Variants in WDPCP observed in about 807,000 individuals in gnomAD.
WDPCP encodes WD repeat-containing and planar cell polarity effector protein fritz homolog.
In WDPCP, 71 loss-of-function variants were observed where a neutral mutation model predicts 93.1. That is an observed-to-expected ratio of 0.76 (90% CI 0.63 to 0.93). The LOEUF (loss-of-function observed/expected upper bound fraction) is 0.93, where lower values mean the gene tolerates loss of function less well. Ranked by LOEUF, WDPCP falls within the 40% of genes least tolerant of loss-of-function variation. WDPCP has a pLI of 0.00. For synonymous variants in WDPCP, 315 were observed against 315.0 expected (o/e 1.00, Z 0.00); for missense variants, 844 against 887.4 (o/e 0.95, Z 0.62).
intron 14 of WDPCP, among the ~76,000 whole-genome samples, chr2:63,199,704 A>C (rs182990987): frequency 6.6e-6 from 1 of 152,240 alleles, no homozygotes; most frequent in Non-Finnish European, 1.5e-5. Flanking sequence ...GAGAACTTCT[A>C]CTACAGCAGT....
chr2:63,494,776 C>T (rs1240200696), intron 1 of WDPCP, among the ~76,000 whole-genome samples: 1 of 152,004 alleles, frequency 6.6e-6, no homozygotes, highest in Non-Finnish European at 1.5e-5. Context: ...AAAAATTAGC[C>T]GGGCGTGGTG....
rs1310101621 is a variant in WDPCP at position 63,138,480 on chromosome 2, G to A, written c.2190+14434C>T. ...TTTTTTTTTTTTTTTTTGAGACGGA[G>A]TCTCGCTGTTGCCCAGGCTGGAGTG... On this transcript the variant is annotated intron_variant, in intron 17 of 17. Transcript: ENST00000272321. Among the ~76,000 whole-genome samples, 3 of 147,302 alleles carry A rather than the reference G, an allele frequency of 2.0e-5. No homozygotes were observed. The East Asian group carries it at 6.0e-4, about 29-fold the overall frequency.
At chr2:63,520,044 G>A (rs1025241610) in intron 1 of WDPCP, among the ~76,000 whole-genome samples, 1 of 152,134 alleles carries the variant, frequency 6.6e-6, no homozygotes, top group East Asian at 1.9e-4. Flanking sequence ...AGACCAAACT[G>A]ATCTGACAGA....
chr2:63,589,143 G>C, upstream of WDPCP: 2 of 1,613,036 alleles, frequency 1.2e-6, no homozygotes, highest in Non-Finnish European at 1.7e-6. Flanking sequence ...AGCTGTGCAA[G>C]GCACTGTCCT....
chr2:63,743,657 A>C (rs1669756269), intron 2 of WDPCP, among the ~76,000 whole-genome samples: 1 of 152,142 alleles, frequency 6.6e-6, no homozygotes, highest in African/African-American at 2.4e-5. Context: ...TCTATTTGAA[A>C]GGCCATGTGC....
chr2:63,476,302 C>A (rs1359969207), intron 6 of WDPCP, among the ~76,000 whole-genome samples: 2 of 152,072 alleles, frequency 1.3e-5, no homozygotes, highest in Non-Finnish European at 2.9e-5. Context: ...CCTTTCTAGT[C>A]CCTTCATTCT....
At chr2:63,472,182 T>TA (rs1699730289) in intron 6 of WDPCP, among the ~76,000 whole-genome samples, 1 of 151,966 alleles carries the variant, frequency 6.6e-6, no homozygotes, top group South Asian at 2.1e-4. Context: ...TCTTTTTTTT[T>TA]AAACTCTAGA....
the WDPCP span, among the ~76,000 whole-genome samples, chr2:63,834,638 C>A: frequency 1.3e-5 from 2 of 152,194 alleles, no homozygotes; most frequent in Non-Finnish European, 2.9e-5. Context: ...CCAAGAGGAG[C>A]AGCATCTCTA....
chr2:63,702,171 G>T (rs113434507), intron 2 of WDPCP, among the ~76,000 whole-genome samples: 1 of 151,484 alleles, frequency 6.6e-6, no homozygotes, highest in African/African-American at 2.4e-5. Flanking sequence ...GATTATAGAC[G>T]CATGCCACCA....
intron 15 of WDPCP, among the ~76,000 whole-genome samples, chr2:63,154,865 A>C (rs1469722229): frequency 6.6e-6 from 1 of 152,108 alleles, no homozygotes; most frequent in Non-Finnish European, 1.5e-5. Flanking sequence ...AGAGGTATCT[A>C]TCTCATCATG....
chr2:63,733,405 T>C (rs185891009), intron 2 of WDPCP, among the ~76,000 whole-genome samples: 1 of 150,892 alleles, frequency 6.6e-6, no homozygotes, highest in East Asian at 1.9e-4. Context: ...GGTTTCACCT[T>C]GTTAGCCAGG....
intron 3 of WDPCP, chr2:63,594,517 A>C: frequency 6.2e-7 from 1 of 1,613,862 alleles, no homozygotes; most frequent in Non-Finnish European, 8.5e-7. Context: ...TTGTGACTGG[A>C]GCAGCTGGTC....
chr2:63,806,095 C>T (rs1575778042), intron 2 of WDPCP, among the ~76,000 whole-genome samples: 2 of 152,086 alleles, frequency 1.3e-5, no homozygotes, highest in Non-Finnish European at 2.9e-5. Context: ...GCCTGGGTGA[C>T]AGAGTGAGAG....
intron 3 of WDPCP, among the ~76,000 whole-genome samples, chr2:63,613,778 TTC>T (rs1320792642): frequency 2.6e-5 from 4 of 152,200 alleles, no homozygotes; most frequent in African/African-American, 9.7e-5. Flanking sequence ...GTTTCTAGCC[TTC>T]TCTTATTTCT....
intron 13 of WDPCP, among the ~76,000 whole-genome samples, chr2:63,304,483 G>A (rs186532582): frequency 1.7e-4 from 26 of 152,292 alleles, no homozygotes; most frequent in South Asian, 4.1e-4. Flanking sequence ...ACAAGGGGTC[G>A]GGGAACTCCC....
At chr2:63,214,351 A>C (rs995087470) in intron 14 of WDPCP, among the ~76,000 whole-genome samples, 13 of 152,236 alleles carry the variant, frequency 8.5e-5, no homozygotes, top group African/African-American at 2.9e-4. Flanking sequence ...CCATTAGATA[A>C]ACAGAACCAA....
At chr2:63,157,132 CTTAT>C (rs1268383702) in intron 15 of WDPCP, among the ~76,000 whole-genome samples, 3 of 142,488 alleles carry the variant, frequency 2.1e-5, no homozygotes, top group Non-Finnish European at 3.1e-5. Context: ...GTTGATTTTT[CTTAT>C]TTATATTGCT....
chr2:63,210,545 T>A (rs1574881956), intron 14 of WDPCP, among the ~76,000 whole-genome samples: 1 of 151,540 alleles, frequency 6.6e-6, no homozygotes, highest in Non-Finnish European at 1.5e-5. Flanking sequence ...AGAAGACAGG[T>A]GATTTCTGCA....
intron 2 of WDPCP, among the ~76,000 whole-genome samples, chr2:63,715,854 C>T (rs1368621843): frequency 6.6e-6 from 1 of 152,046 alleles, no homozygotes; most frequent in East Asian, 1.9e-4. Context: ...GGTTTTGGGA[C>T]CTAGACCCAG....
Sources: gnomAD v4.1 joint callset for allele counts (sites outside exome capture counted in the v4.1 genomes callset) on GRCh38, gnomAD v4.1.1 for gene constraint, MANE v1.5 for transcripts, NCBI Gene and HGNC (gene_info 2026-07-23, HGNC 2026-07-21) for gene names.